The following SLC35F3 variants were observed in gnomAD, a reference collection of about 807,000 sequenced individuals.
SLC35F3 encodes the protein putative thiamine transporter SLC35F3.
A neutral mutation model predicts 49.9 loss-of-function variants in SLC35F3; 25 were observed. That is an observed-to-expected ratio of 0.50 (90% CI 0.37 to 0.70). SLC35F3 has a LOEUF of 0.70. Ranked by LOEUF, SLC35F3 falls within the 30% of genes least tolerant of loss-of-function variation. The pLI, the probability that SLC35F3 is intolerant of heterozygous loss-of-function variation, is 0.00. For missense variants in SLC35F3, 525 were observed against 639.8 expected, an observed-to-expected ratio of 0.82 and a Z score of 1.94; for synonymous variants, 275 against 265.4, an observed-to-expected ratio of 1.04 and a Z score of -0.35.
intron 4 of SLC35F3, among the ~76,000 whole-genome samples, chr1:234,311,840 G>A (rs1268611796): frequency 3.3e-5 from 5 of 152,188 alleles, no homozygotes; most frequent in African/African-American, 1.2e-4. Context: ...GTCAAGTGAC[G>A]AGGTCACAGA....
At chr1:234,036,403 A>G (rs937406143) in intron 2 of SLC35F3, among the ~76,000 whole-genome samples, 34 of 152,144 alleles carry the variant, frequency 2.2e-4, no homozygotes, top group African/African-American at 8.2e-4. Context: ...TAGTGTACAT[A>G]TCTTTGGATC....
chr1:233,979,630 G>A (rs900783459), intron 2 of SLC35F3, among the ~76,000 whole-genome samples: 3 of 152,142 alleles, frequency 2.0e-5, no homozygotes, highest in African/African-American at 7.2e-5. Flanking sequence ...GAACTGCTTA[G>A]GCTCCATGCA....
intron 2 of SLC35F3, among the ~76,000 whole-genome samples, chr1:234,098,189 T>TTGGTGG (rs962834079): frequency 6.9e-6 from 1 of 144,688 alleles, no homozygotes; most frequent in Non-Finnish European, 1.5e-5. Flanking sequence ...GGTGACTGTG[T>TTGGTGG]TGGTGGTGAC....
chr1:234,015,596 T>A (rs1357559464), intron 2 of SLC35F3, among the ~76,000 whole-genome samples: 1 of 152,172 alleles, frequency 6.6e-6, no homozygotes, highest in Non-Finnish European at 1.5e-5. Flanking sequence ...TTGGGAAAAC[T>A]GGATATCTAC....
chr1:234,276,838 A>T lies in SLC35F3; in HGVS notation c.609-32263A>T, dbSNP rs117213479. 2.7e-3 allele frequency among the ~76,000 whole-genome samples: 414 copies of T among 152,042 alleles called. 15 individuals carry two copies. In the East Asian group the frequency reaches 0.065, roughly 24 times the overall value. ...TTTTATTAAATGAAAAATGAGGAAG[A>T]CTCTTATTTGGATGTTAATGGAATC... On this transcript the variant is annotated intron_variant, in intron 3 of 7. Coordinates refer to ENST00000366618, the MANE Select transcript of SLC35F3 (RefSeq NM_173508.4).
chr1:233,957,501 CA>C lies in SLC35F3; in HGVS notation c.283+51744del. On this transcript the variant is annotated intron_variant, in intron 2 of 7. Coordinates refer to ENST00000366618, the MANE Select transcript of SLC35F3 (RefSeq NM_173508.4). The surrounding 1 kb of genome is among the most constrained non-coding windows in gnomAD (Gnocchi z 4.0). ...TCAGTTGGCTCTAGCTCCATAATTA[CA>C]TCAAAATTTAGTGGCATAAATACAA... is the stretch of plus-strand genomic sequence containing the variant. 6.6e-6 allele frequency among the ~76,000 whole-genome samples: 1 copy of C among 152,260 alleles called. No homozygotes were observed. Among genetic ancestry groups the C allele is most frequent in the South Asian group, 2.1e-4 (1 of 4,824 alleles).
At chr1:233,946,084 T>G (rs1040750680) in intron 2 of SLC35F3, among the ~76,000 whole-genome samples, 2 of 152,238 alleles carry the variant, frequency 1.3e-5, no homozygotes, top group African/African-American at 2.4e-5. Context: ...ACTGGTTTTC[T>G]TTAATAGTTG....
At chr1:234,286,543 A>T (rs1030712194) in intron 3 of SLC35F3, among the ~76,000 whole-genome samples, 1 of 152,228 alleles carries the variant, frequency 6.6e-6, no homozygotes, top group Non-Finnish European at 1.5e-5. Flanking sequence ...TGAATTAAGG[A>T]TATGACAGCA....
chr1:234,247,814 C>CGGGTCAGTTGGCTGGTGCATTGTTTG (rs1667662166), intron 3 of SLC35F3, among the ~76,000 whole-genome samples: 1 of 129,072 alleles, frequency 7.7e-6, no homozygotes, highest in African/African-American at 3.0e-5. Flanking sequence ...TCCATTGTTT[C>CGGGTCAGTTGGCTGGTGCATTGTTTG]ATGGGTCAGT....
intron 2 of SLC35F3, among the ~76,000 whole-genome samples, chr1:234,066,801 G>C (rs1369748229): frequency 5.5e-4 from 52 of 95,246 alleles, no homozygotes; most frequent in East Asian, 5.9e-4. Context: ...CTCTCCCTTT[G>C]TCTCTCTCTG....
intron 2 of SLC35F3, among the ~76,000 whole-genome samples, chr1:234,024,720 G>C (rs1191867772): frequency 6.6e-6 from 1 of 152,136 alleles, no homozygotes; most frequent in Non-Finnish European, 1.5e-5. Context: ...TCCATCAGTG[G>C]ATTATTTCCT....
chr1:234,129,136 A>T (rs1018367070), intron 2 of SLC35F3, among the ~76,000 whole-genome samples: 2 of 152,208 alleles, frequency 1.3e-5, no homozygotes, highest in Admixed American at 6.5e-5. Flanking sequence ...AGGCAAGTAG[A>T]AGAAGATATT....
chr1:233,928,945 AAATT>A (rs1465226661), intron 2 of SLC35F3, among the ~76,000 whole-genome samples: 1 of 151,528 alleles, frequency 6.6e-6, no homozygotes, highest in Non-Finnish European at 1.5e-5. Flanking sequence ...GTCAATTTAA[AAATT>A]AAATTAAATT....
chr1:234,251,149 A>T (rs1202961486), intron 3 of SLC35F3, among the ~76,000 whole-genome samples: 1 of 152,116 alleles, frequency 6.6e-6, no homozygotes, highest in Non-Finnish European at 1.5e-5. Context: ...GCCTCATTAA[A>T]CTAGACTTTG....
intron 2 of SLC35F3, among the ~76,000 whole-genome samples, chr1:234,009,504 T>C (rs796874061): frequency 2.0e-5 from 3 of 152,306 alleles, no homozygotes; most frequent in African/African-American, 7.2e-5. Flanking sequence ...TTTCTGCCTT[T>C]TTGAATCAGG....
At chr1:233,914,209 G>A (rs746178423) in intron 2 of SLC35F3, among the ~76,000 whole-genome samples, 11 of 152,112 alleles carry the variant, frequency 7.2e-5, no homozygotes, top group Non-Finnish European at 1.2e-4. Context: ...CCTCCAATTC[G>A]AGATTAACAC....
chr1:234,323,348 C>T lies in SLC35F3; in HGVS notation c.*105C>T. 9 of 951,956 alleles carry T rather than the reference C, an allele frequency of 9.5e-6. No individual in the cohort carries two copies. The highest frequency in any genetic ancestry group is 2.2e-4 in the Middle Eastern group (1 of 4,550). 59.0% of individuals were successfully genotyped at this position (951,956 alleles called of 1,614,324 possible). On this transcript the variant is annotated 3_prime_UTR_variant, in exon 8 of 8. Coordinates refer to ENST00000366618, the MANE Select transcript of SLC35F3 (RefSeq NM_173508.4). The surrounding 1 kb of genome is among the most constrained non-coding windows in gnomAD (Gnocchi z 4.5). Reference sequence around the variant, plus strand: ...ATACCTGTACAGTTTTGGTCATCTGCGGTAAGTTCTATGGTATTTATTGGC... The same window carrying T: ...ATACCTGTACAGTTTTGGTCATCTGTGGTAAGTTCTATGGTATTTATTGGC...
Position 233,918,812 on chromosome 1 carries a change from CTCTCTA to C in SLC35F3, c.283+13056_283+13061del, listed in dbSNP as rs1341012069. Among the ~76,000 whole-genome samples, 14 of 44,348 alleles carry C rather than the reference CTCTCTA, an allele frequency of 3.2e-4. No homozygotes were observed. In the East Asian group the frequency reaches 4.6e-3, roughly 14 times the overall value. The allele number at this position is 44,348 out of a possible 152,430, so 29.1% of individuals were successfully genotyped here. A position where few individuals can be genotyped will look rare whatever the true frequency, so the allele number is the denominator to read the frequency against. ...TCTCTCTCTCTTTCTCTCTCTCTCTCTCTCTATATATATATATATATATTTGTGTGT... is the reference window on the plus strand; with the variant it reads ...TCTCTCTCTCTTTCTCTCTCTCTCTCTATATATATATATATATTTGTGTGT... On this transcript the variant is annotated intron_variant, in intron 2 of 7. Coordinates refer to ENST00000366618, the MANE Select transcript of SLC35F3 (RefSeq NM_173508.4).
At chr1:234,252,479 T>A (rs1168126010) in intron 3 of SLC35F3, among the ~76,000 whole-genome samples, 2 of 152,096 alleles carry the variant, frequency 1.3e-5, no homozygotes, top group Non-Finnish European at 2.9e-5. Context: ...ATTAGCAAAC[T>A]AGAAAAAATA....
Sources: gnomAD v4.1 joint callset for allele counts (sites outside exome capture counted in the v4.1 genomes callset) on GRCh38, gnomAD v4.1.1 for gene constraint, Gnocchi (gnomAD v3.1) non-coding constraint, MANE v1.5 for transcripts, NCBI Gene and HGNC (gene_info 2026-07-23, HGNC 2026-07-21) for gene names.